RALYL: variants seen among roughly 807,000 people sequenced by gnomAD.
RALYL encodes RALY RNA binding protein like, also known as RNA-binding Raly-like protein.
RALYL carries 29 observed loss-of-function variants against 35.1 expected under a neutral mutation model. That is an observed-to-expected ratio of 0.83 (90% CI 0.61 to 1.13). The LOEUF (loss-of-function observed/expected upper bound fraction) is 1.13. Among genes scored for constraint, RALYL ranks in the 50% most tolerant of loss-of-function variants. The pLI is 0.00. For missense variants in RALYL, 359 were observed against 360.4 expected (o/e 1.00, Z 0.03); for synonymous variants, 120 against 127.6 (o/e 0.94, Z 0.40).
At chr8:84,469,570 T>A (rs1428182884) in intron 1 of RALYL, among the ~76,000 whole-genome samples, 2 of 152,182 alleles carry the variant, frequency 1.3e-5, no homozygotes, top group Non-Finnish European at 2.9e-5. Flanking sequence ...GACATTTAAG[T>A]CTGCAGAGGT....
At chr8:84,540,084 C>T (rs2059922443) in intron 2 of RALYL, among the ~76,000 whole-genome samples, 1 of 151,636 alleles carries the variant, frequency 6.6e-6, no homozygotes, top group Non-Finnish European at 1.5e-5. Context: ...TTATGACCTT[C>T]TAAAATCACG....
intron 1 of RALYL, among the ~76,000 whole-genome samples, chr8:84,295,481 A>G (rs990956579): frequency 9.9e-5 from 15 of 152,144 alleles, no homozygotes; most frequent in African/African-American, 3.6e-4. Flanking sequence ...TTTCATTTTT[A>G]TAGAGATGGA....
intron 2 of RALYL, among the ~76,000 whole-genome samples, chr8:84,632,583 C>CTGTGTGTGTGTGTG (rs112708469): frequency 6.9e-6 from 1 of 145,084 alleles, no homozygotes; most frequent in South Asian, 2.2e-4. Context: ...TTATATAGAC[C>CTGTGTGTGTGTGTG]TGTGTGTGTG....
chr8:84,836,445 C>A (rs1354170148), intron 4 of RALYL, among the ~76,000 whole-genome samples: 1 of 152,196 alleles, frequency 6.6e-6, no homozygotes, highest in East Asian at 1.9e-4. Flanking sequence ...CATTAGGTTT[C>A]TCCTCACTTT....
At chr8:84,655,513 G>C (rs1003552784) in intron 2 of RALYL, among the ~76,000 whole-genome samples, 4 of 152,042 alleles carry the variant, frequency 2.6e-5, no homozygotes, top group African/African-American at 9.7e-5. Context: ...ATTTTTAGTA[G>C]AGACGGGGTT....
At chr8:84,686,943 T>C (rs1262759965) in intron 2 of RALYL, among the ~76,000 whole-genome samples, 1 of 152,192 alleles carries the variant, frequency 6.6e-6, no homozygotes, top group Non-Finnish European at 1.5e-5. Context: ...TCACTCTAAC[T>C]GAATTAACTT....
At chr8:84,196,665 T>C (rs1457325341) in intron 1 of RALYL, among the ~76,000 whole-genome samples, 1 of 152,226 alleles carries the variant, frequency 6.6e-6, no homozygotes, top group Non-Finnish European at 1.5e-5. Flanking sequence ...AGAGTGTTCA[T>C]AGAGGCTTCA....
chr8:84,439,372 A>G (rs1160915636), intron 1 of RALYL, among the ~76,000 whole-genome samples: 1 of 152,036 alleles, frequency 6.6e-6, no homozygotes, highest in Non-Finnish European at 1.5e-5. Context: ...CCTGGTAGGA[A>G]TGTTCCTGCT....
chr8:84,509,422 A>T (rs552373297), intron 1 of RALYL, among the ~76,000 whole-genome samples: 2 of 152,316 alleles, frequency 1.3e-5, no homozygotes, highest in Non-Finnish European at 2.9e-5. Flanking sequence ...TAATTGCATG[A>T]TGGAATTGCA....
At chr8:84,574,815 C>A (rs1808926522) in intron 2 of RALYL, among the ~76,000 whole-genome samples, 1 of 152,094 alleles carries the variant, frequency 6.6e-6, no homozygotes, top group Non-Finnish European at 1.5e-5. Context: ...TGGCATATTT[C>A]TAACCATTAT....
At chr8:84,651,884 G>A (rs969374010) in intron 2 of RALYL, among the ~76,000 whole-genome samples, 4 of 151,970 alleles carry the variant, frequency 2.6e-5, no homozygotes, top group African/African-American at 9.7e-5. Flanking sequence ...ATTGGATTAG[G>A]ATAATTTAAA....
intron 2 of RALYL, among the ~76,000 whole-genome samples, chr8:84,773,531 G>A (rs1405285547): frequency 6.6e-6 from 1 of 152,042 alleles, no homozygotes; most frequent in Non-Finnish European, 1.5e-5. Context: ...TTTCTTAACA[G>A]TTTTACATAT....
chr8:84,189,716 G>T (rs1028350627), intron 1 of RALYL, among the ~76,000 whole-genome samples: 24 of 151,552 alleles, frequency 1.6e-4, no homozygotes, highest in Admixed American at 6.6e-5. Context: ...CATTTGTGGA[G>T]ATGATTTTTT....
intron 1 of RALYL, among the ~76,000 whole-genome samples, chr8:84,213,883 A>G (rs1383522473): frequency 6.6e-6 from 1 of 152,208 alleles, no homozygotes; most frequent in Middle Eastern, 3.2e-3. Context: ...AATGTGCCTT[A>G]TTACTATAAG....
intron 3 of RALYL, among the ~76,000 whole-genome samples, chr8:84,797,216 C>T (rs1200567205): frequency 2.0e-5 from 3 of 152,232 alleles, no homozygotes; most frequent in South Asian, 2.1e-4. Flanking sequence ...ATCAAATCCA[C>T]ATCTGCAATA....
rs187040290 is a variant in RALYL at position 84,288,709 on chromosome 8, A to G, written c.-24+104285A>G. On this transcript the variant is annotated intron_variant, in intron 1 of 8. Transcript: ENST00000521268. Reference sequence around the variant, plus strand: ...TTACAGTTTCTTTGCTTTTCTACCTAAAAACCTGTATGTAGAGATTTGTAA... The same window carrying G: ...TTACAGTTTCTTTGCTTTTCTACCTGAAAACCTGTATGTAGAGATTTGTAA... Among the ~76,000 whole-genome samples, 11 of 152,274 alleles carry G rather than the reference A, an allele frequency of 7.2e-5. No homozygotes were observed. The East Asian group carries it at 1.9e-3, about 27-fold the overall frequency.
intron 1 of RALYL, among the ~76,000 whole-genome samples, chr8:84,419,341 T>C (rs757321028): frequency 6.6e-6 from 1 of 152,144 alleles, no homozygotes; most frequent in Non-Finnish European, 1.5e-5. Flanking sequence ...GCAAACTCAC[T>C]GTCTGCCATC....
At chr8:84,912,133 A>C (rs1307785654) in intron 8 of RALYL, among the ~76,000 whole-genome samples, 1 of 152,118 alleles carries the variant, frequency 6.6e-6, no homozygotes, top group Non-Finnish European at 1.5e-5. Flanking sequence ...TCTTGAGACT[A>C]TCTAGGGGCC....
chr8:84,471,134 G>A (rs534719508), intron 1 of RALYL, among the ~76,000 whole-genome samples: 1 of 152,184 alleles, frequency 6.6e-6, no homozygotes, highest in African/African-American at 2.4e-5. Flanking sequence ...AGTAAGTGTT[G>A]ATTTTCTAAT....
Sources: allele counts gnomAD v4.1 joint callset (sites outside exome capture counted in the v4.1 genomes callset), GRCh38; gene constraint gnomAD v4.1.1; transcripts MANE v1.5; gene names NCBI Gene and HGNC (gene_info 2026-07-23, HGNC 2026-07-21).